Variants in MYOCD observed in about 807,000 individuals in gnomAD.
MYOCD encodes the protein myocardin.
MYOCD carries 32 observed loss-of-function variants against 96.1 expected under a neutral mutation model. The ratio of observed to expected loss-of-function variants is 0.33; its 90% confidence interval spans 0.25 to 0.45. The LOEUF is 0.45. Ranked by LOEUF, MYOCD falls within the 20% of genes least tolerant of loss-of-function variation. MYOCD has a pLI of 1.00. For synonymous variants in MYOCD, 469 were observed against 469.0 expected (o/e 1.00, Z 0.00); for missense variants, 1,133 against 1,200.6 (o/e 0.94, Z 0.83).
At chr17:12,743,486 C>CTTTTTTTT (rs373893604) in intron 7 of MYOCD, among the ~76,000 whole-genome samples, 8 of 98,334 alleles carry the variant, frequency 8.1e-5, no homozygotes, top group Non-Finnish European at 9.7e-5. Context: ...TATGAAAGTT[C>CTTTTTTTT]TTTTTTTTTT....
intron 1 of MYOCD, among the ~76,000 whole-genome samples, chr17:12,697,372 T>A (rs2030820092): frequency 7.4e-6 from 1 of 134,918 alleles, no homozygotes; most frequent in Non-Finnish European, 1.6e-5. Context: ...TTTTTTTTTT[T>A]TTTTTTTTGA....
Position 12,763,606 on chromosome 17 carries a change from T to G in MYOCD, c.2923T>G (p.Leu975Val). Reference protein sequence around the residue: ...IDFLDVTDLNLNSSMDLHLQQ... With the variant: ...IDFLDVTDLNVNSSMDLHLQQ... ...TTTCCTGGATGTCACTGATCTCAAT[T>G]TGAATTCTTCCATGGACCTTCACTT... is the stretch of plus-strand genomic sequence containing the variant. The change falls in exon 14 of 14, where the codon TTG (leucine) becomes GTG (valine). Residue 975 changes from leucine to valine, a missense_variant. Leu to Val is a conservative substitution (Grantham distance 32). Coordinates refer to ENST00000425538, the MANE Select transcript of MYOCD (RefSeq NM_001146312.3). The G allele has an allele frequency of 6.2e-7, 1 of 1,613,840 alleles. No homozygotes were observed. The highest frequency in any genetic ancestry group is 8.5e-7 in the Non-Finnish European group (1 of 1,179,856).
rs151225315 is a variant in MYOCD at position 12,715,560 on chromosome 17, T to C, written c.163T>C (p.Leu55=). The part of the protein sequence containing the change: ...PAEFHEQRKH[L]DSDKAKNSLK... The stretch of plus-strand genomic sequence containing the variant: ...TGAATTCCATGAGCAAAGAAAACAT[T>C]TGGATAGTGACAAGGTAATTTTTGC... Residue 55 remains leucine (L), a synonymous_variant, in exon 3 of 14, where the codon TTG becomes CTG. Coordinates refer to ENST00000425538, the MANE Select transcript of MYOCD (RefSeq NM_001146312.3). The C allele has an allele frequency of 2.5e-6, 4 of 1,613,644 alleles. No individual in the cohort carries two copies. The highest frequency in any genetic ancestry group is 1.7e-5 in the Admixed American group (1 of 59,944).
At chr17:12,731,416 C>T (rs2032168103) in intron 5 of MYOCD, among the ~76,000 whole-genome samples, 2 of 152,186 alleles carry the variant, frequency 1.3e-5, no homozygotes, top group Non-Finnish European at 2.9e-5. Context: ...TTGTGCTGAC[C>T]TTTGCAAAGC....
At chr17:12,739,387 G>C in intron 7 of MYOCD, 59 bp downstream of exon 7, 1 of 1,482,490 alleles carries the variant, frequency 6.7e-7, no homozygotes, top group Non-Finnish European at 9.0e-7. Context: ...AGCCGACTTG[G>C]AGCAGAACTT....
Position 12,735,344 on chromosome 17 carries a change from G to GTAAGGGACATA in MYOCD, c.416-812_416-811insGACATATAAGG, listed in dbSNP as rs11273547. 2.8e-4 allele frequency among the ~76,000 whole-genome samples: 42 copies of GTAAGGGACATA among 151,590 alleles called. 1 individual carries two copies. The East Asian group carries it at 4.7e-3, about 17-fold the overall frequency. ...CAGATGAAATTTGGCAAATAAAAAT[G>GTAAGGGACATA]TAAGGATGTCATTCTAGTCCCATCT... On this transcript the variant is annotated intron_variant, in intron 5 of 13. Transcript: ENST00000425538.
intron 1 of MYOCD, among the ~76,000 whole-genome samples, chr17:12,671,079 A>G (rs1004199084): frequency 6.6e-6 from 1 of 152,078 alleles, no homozygotes; most frequent in Admixed American, 6.5e-5. Context: ...TAAACCTTTT[A>G]CTTGTTTATT....
At chr17:12,737,821 A>G (rs2150705182) in intron 6 of MYOCD, among the ~76,000 whole-genome samples, 1 of 152,282 alleles carries the variant, frequency 6.6e-6, no homozygotes, top group East Asian at 1.9e-4. Flanking sequence ...CGTCATGCCT[A>G]TCTTCACCCC....
chr17:12,671,401 C>A (rs1051275107), intron 1 of MYOCD, among the ~76,000 whole-genome samples: 12 of 152,196 alleles, frequency 7.9e-5, no homozygotes, highest in South Asian at 2.1e-4. Context: ...AAAGTCATAG[C>A]ACAGTGGGAG....
Position 12,736,253 on chromosome 17 carries a change from G to C in MYOCD, c.508G>C (p.Glu170Gln), listed in dbSNP as rs2032338634. 6.2e-7 allele frequency: 1 copy of C among 1,614,102 alleles called. No homozygotes were observed. The highest frequency in any genetic ancestry group is 1.1e-5 in the South Asian group (1 of 91,088). Residue 170 changes from glutamate (E) to glutamine (Q), a missense_variant, in exon 6 of 14, where the codon GAA becomes CAA. Transcript: ENST00000425538. ...DGLSPDQTRS[E>Q]DPQNSAGSPP... ...GCTTTCTCCGGATCAGACTCGAAGT[G>C]AAGACCCCCAAAACTCAGCGGGATC...
At chr17:12,697,849 G>T (rs1157473860) in intron 1 of MYOCD, among the ~76,000 whole-genome samples, 1 of 152,106 alleles carries the variant, frequency 6.6e-6, no homozygotes, top group African/African-American at 2.4e-5. Flanking sequence ...TGAAGAAGTT[G>T]GCATTATAAA....
rs1233269210 is a variant in MYOCD, at chr17:12,756,687, C to T, written c.2202+130C>T. The T allele has an allele frequency of 2.5e-5, 5 of 199,530 alleles. No individual in the cohort carries two copies. In the East Asian group the frequency reaches 5.1e-4, roughly 20 times the overall value. 12.4% of individuals were successfully genotyped at this position (199,530 alleles called of 1,614,324 possible). A position where few individuals can be genotyped will look rare whatever the true frequency, so the allele number is the denominator to read the frequency against. Reference sequence around the variant, plus strand: ...CTCCAGCCCAGGTGACAGAGCGAGACTGCATCTCAAAAAAAAAAAAAAAAA... The same window carrying T: ...CTCCAGCCCAGGTGACAGAGCGAGATTGCATCTCAAAAAAAAAAAAAAAAA... On this transcript the variant is annotated intron_variant, in intron 11 of 13. Coordinates refer to ENST00000425538, the MANE Select transcript of MYOCD (RefSeq NM_001146312.3).
At chr17:12,672,464 C>T (rs931854248) in intron 1 of MYOCD, among the ~76,000 whole-genome samples, 2 of 152,140 alleles carry the variant, frequency 1.3e-5, no homozygotes, top group Admixed American at 1.3e-4. Context: ...TCAAGCTTTA[C>T]GTAACGAGAT....
In MYOCD at chr17:12,763,526, C is replaced by A. The variant is rs2033248626; in HGVS notation, c.2843C>A (p.Ser948Tyr). 6.2e-7 allele frequency: 1 copy of A among 1,614,202 alleles called. No homozygotes were observed. Among genetic ancestry groups the A allele is most frequent in the Non-Finnish European group, 8.5e-7 (1 of 1,180,032 alleles). The change falls in exon 14 of 14, where the codon TCC becomes TAC. Residue 948 changes from serine to tyrosine, a missense_variant. Coordinates refer to ENST00000425538, the MANE Select transcript of MYOCD (RefSeq NM_001146312.3). ...MEWLDLTPPN[S>Y]TPGFSALTTS... ...TGGCTGGACCTCACTCCGCCAAATTCCACACCAGGCTTTAGCGCCCTCACC... is the reference window on the plus strand; with the variant it reads ...TGGCTGGACCTCACTCCGCCAAATTACACACCAGGCTTTAGCGCCCTCACC...
intron 9 of MYOCD, among the ~76,000 whole-genome samples, chr17:12,749,509 A>G (rs1033690374): frequency 8.7e-5 from 13 of 149,306 alleles, no homozygotes; most frequent in African/African-American, 2.7e-4. Flanking sequence ...AGCCTGGGTG[A>G]CAGAGCGAGA....
chr17:12,709,849 C>A (rs1461877231), intron 2 of MYOCD, among the ~76,000 whole-genome samples: 1 of 152,162 alleles, frequency 6.6e-6, no homozygotes, highest in African/African-American at 2.4e-5. Flanking sequence ...ATTTTCTCTC[C>A]TGCAATTCTT....
At position 12,745,901 on chromosome 17, in the gene MYOCD, T is replaced by G; in HGVS notation, c.972-18T>G. 8 of 1,613,116 alleles carry G rather than the reference T, an allele frequency of 5.0e-6. No individual in the cohort carries two copies. Among genetic ancestry groups the G allele is most frequent in the Non-Finnish European group, 6.8e-6 (8 of 1,179,692 alleles). ...AATATTTGATTGTACTTGAAATGCCTCTTTGTTTGTTTTTTAGGGAACCAA... is the reference window on the plus strand; with the variant it reads ...AATATTTGATTGTACTTGAAATGCCGCTTTGTTTGTTTTTTAGGGAACCAA... On this transcript the variant is annotated intron_variant, in intron 8 of 13. Transcript: ENST00000425538.
At chr17:12,726,715 C>G (rs866305695) in intron 5 of MYOCD, among the ~76,000 whole-genome samples, 2 of 152,154 alleles carry the variant, frequency 1.3e-5, no homozygotes, top group Non-Finnish European at 2.9e-5. Context: ...AATGTCAAAC[C>G]TACACATACT....
chr17:12,683,015 C>A (rs2052003), intron 1 of MYOCD, among the ~76,000 whole-genome samples: 59,211 of 152,032 alleles, frequency 0.39, 13,292 homozygotes, highest in African/African-American at 0.63. Flanking sequence ...AACGACAGGA[C>A]TGTATTAGCG....
Sources: allele counts gnomAD v4.1 joint callset (sites outside exome capture counted in the v4.1 genomes callset), GRCh38; gene constraint gnomAD v4.1.1; transcripts MANE v1.5; gene names NCBI Gene and HGNC (gene_info 2026-07-23, HGNC 2026-07-21).